The following SLC4A10 variants were observed in gnomAD, a reference collection of about 807,000 sequenced individuals.
The protein encoded by SLC4A10 is sodium-driven chloride bicarbonate exchanger.
A neutral mutation model predicts 137.7 loss-of-function variants in SLC4A10; 42 were observed. The observed-to-expected ratio is 0.30, with a 90% CI of 0.24 to 0.39. The LOEUF (loss-of-function observed/expected upper bound fraction) is 0.39. Ranked by LOEUF, SLC4A10 falls within the 10% of genes least tolerant of loss-of-function variation. The pLI is 1.00. For missense variants in SLC4A10, 925 were observed against 1,355.0 expected (o/e 0.68, Z 4.98); for synonymous variants, 474 against 464.1 (o/e 1.02, Z -0.27).
intron 1 of SLC4A10, among the ~76,000 whole-genome samples, chr2:161,740,822 C>T (rs2047803954): frequency 6.6e-6 from 1 of 152,080 alleles, no homozygotes; most frequent in African/African-American, 2.4e-5. Context: ...GATACAATTT[C>T]TGTATATGTT....
intron 3 of SLC4A10, among the ~76,000 whole-genome samples, chr2:161,811,208 G>T (rs1438531241): frequency 6.6e-6 from 1 of 151,782 alleles, no homozygotes; most frequent in South Asian, 2.1e-4. Flanking sequence ...GTGGGATTGG[G>T]TGTAATGTCA....
At chr2:161,860,829 T>C (rs927332192) in intron 5 of SLC4A10, among the ~76,000 whole-genome samples, 2 of 152,202 alleles carry the variant, frequency 1.3e-5, no homozygotes, top group African/African-American at 4.8e-5. Context: ...GAGCACACTA[T>C]ATCCCACGTG....
At chr2:161,865,626 T>C (rs568885063) in intron 6 of SLC4A10, among the ~76,000 whole-genome samples, 1 of 152,156 alleles carries the variant, frequency 6.6e-6, no homozygotes, top group East Asian at 1.9e-4. Context: ...TTTGCATAAT[T>C]ATGTGTGTTG....
At chr2:161,942,718 C>T in intron 15 of SLC4A10, 74 bp from the exon 16 acceptor site, 1 of 1,088,388 alleles carries the variant, frequency 9.2e-7, no homozygotes, top group Middle Eastern at 2.0e-4. Flanking sequence ...GAAAATGGAG[C>T]CGTTATACAT....
chr2:161,858,006 C>G (rs1399047182), intron 5 of SLC4A10, among the ~76,000 whole-genome samples: 1 of 152,064 alleles, frequency 6.6e-6, no homozygotes. Context: ...GTCACTGTGC[C>G]CAACCATAAT....
At chr2:161,727,315 C>T (rs1388277418) in intron 1 of SLC4A10, among the ~76,000 whole-genome samples, 1 of 152,160 alleles carries the variant, frequency 6.6e-6, no homozygotes, top group Non-Finnish European at 1.5e-5. Context: ...CCCCAAAAAA[C>T]AACTAAACCA....
chr2:161,654,665 T>A (rs1424033565), intron 1 of SLC4A10, among the ~76,000 whole-genome samples: 1 of 152,206 alleles, frequency 6.6e-6, no homozygotes. Context: ...TTGGCACCCT[T>A]GTCAAAGGTT....
At chr2:161,708,900 G>A (rs2125049352) in intron 1 of SLC4A10, 1 of 1,433,820 alleles carries the variant, frequency 7.0e-7, no homozygotes, top group South Asian at 1.4e-5. Flanking sequence ...CTTACTCATT[G>A]AAAATATATT....
intron 3 of SLC4A10, among the ~76,000 whole-genome samples, chr2:161,827,463 C>G (rs532321819): frequency 6.6e-6 from 1 of 152,156 alleles, no homozygotes; most frequent in African/African-American, 2.4e-5. Context: ...ATTATTCTAC[C>G]TGCTTCAATT....
intron 1 of SLC4A10, among the ~76,000 whole-genome samples, chr2:161,696,502 G>A (rs1257559870): frequency 8.7e-6 from 1 of 114,840 alleles, no homozygotes; most frequent in African/African-American, 3.5e-5. Flanking sequence ...TCCCCTTCCT[G>A]TGTCCATGTG....
At chr2:161,917,413 T>A (rs1559529849) in intron 15 of SLC4A10, among the ~76,000 whole-genome samples, 2 of 151,624 alleles carry the variant, frequency 1.3e-5, no homozygotes. Flanking sequence ...GTGTAGATAG[T>A]TAGATAGTTG....
chr2:161,829,500 C>T (rs2058282099), intron 3 of SLC4A10, among the ~76,000 whole-genome samples: 1 of 152,060 alleles, frequency 6.6e-6, no homozygotes, highest in African/African-American at 2.4e-5. Flanking sequence ...TTAAAGGACC[C>T]TCTTGGCTAA....
intron 1 of SLC4A10, among the ~76,000 whole-genome samples, chr2:161,697,732 G>A (rs1299108542): frequency 6.6e-6 from 1 of 152,190 alleles, no homozygotes; most frequent in Admixed American, 6.5e-5. Context: ...TTTGAAGTCA[G>A]GTAGCATGAT....
intron 1 of SLC4A10, among the ~76,000 whole-genome samples, chr2:161,647,289 G>A (rs750194986): frequency 9.9e-5 from 15 of 151,976 alleles, no homozygotes; most frequent in Non-Finnish European, 1.9e-4. Flanking sequence ...AGGTATTTCA[G>A]CCTGTCAGGG....
At chr2:161,861,860 C>T (rs1013510149) in intron 5 of SLC4A10, among the ~76,000 whole-genome samples, 4 of 152,234 alleles carry the variant, frequency 2.6e-5, no homozygotes, top group Admixed American at 2.6e-4. Flanking sequence ...AAATCTGTCT[C>T]CTAGTTCATT....
intron 2 of SLC4A10, among the ~76,000 whole-genome samples, chr2:161,789,134 G>T (rs1478096288): frequency 6.6e-6 from 1 of 152,228 alleles, no homozygotes; most frequent in South Asian, 2.1e-4. Context: ...CTCAGTTAGG[G>T]CCTGAGGGGA....
intron 15 of SLC4A10, among the ~76,000 whole-genome samples, chr2:161,906,701 C>T (rs1047315493): frequency 6.6e-6 from 1 of 152,116 alleles, no homozygotes; most frequent in African/African-American, 2.4e-5. Flanking sequence ...TTAGATATGG[C>T]CTTGAACCCT....
At chr2:161,829,061 A>C (rs1161089423) in intron 3 of SLC4A10, among the ~76,000 whole-genome samples, 1 of 151,676 alleles carries the variant, frequency 6.6e-6, no homozygotes, top group Non-Finnish European at 1.5e-5. Flanking sequence ...AGTCAAAAAT[A>C]TTATGTCCTT....
intron 1 of SLC4A10, among the ~76,000 whole-genome samples, chr2:161,728,149 A>G (rs925883104): frequency 6.6e-6 from 1 of 152,216 alleles, no homozygotes; most frequent in Non-Finnish European, 1.5e-5. Flanking sequence ...TAAATCTGTC[A>G]ACTTAGATGA....
Sources: gnomAD v4.1 joint callset for allele counts (sites outside exome capture counted in the v4.1 genomes callset) on GRCh38, gnomAD v4.1.1 for gene constraint, MANE v1.5 for transcripts, NCBI Gene and HGNC (gene_info 2026-07-23, HGNC 2026-07-21) for gene names.